PLCL2: variants seen among roughly 807,000 people sequenced by gnomAD.
PLCL2 encodes inactive phospholipase C-like protein 2.
In PLCL2, 4 loss-of-function variants were observed where a neutral mutation model predicts 79.6. The ratio of observed to expected loss-of-function variants is 0.05; its 90% CI spans 0.02 to 0.11. PLCL2 has a LOEUF of 0.11. PLCL2 is among the 10% of genes least tolerant of loss of function. The probability of loss-of-function intolerance (pLI) is 1.00; values close to 1 mark genes in which losing one functional copy is unlikely to be tolerated. For synonymous variants in PLCL2, 484 were observed against 457.7 expected, an observed-to-expected ratio of 1.06 and a Z score of -0.73; for missense variants, 895 against 1,291.0, an observed-to-expected ratio of 0.69 and a Z score of 4.70.
chr3:17,069,979 A>G (rs1016279115), intron 5 of PLCL2, among the ~76,000 whole-genome samples: 1 of 152,246 alleles, frequency 6.6e-6, no homozygotes, highest in Non-Finnish European at 1.5e-5. Flanking sequence ...TGGGGGGTAC[A>G]CTATAAATTT....
chr3:16,889,326 T>C (rs972121327), intron 1 of PLCL2, among the ~76,000 whole-genome samples: 4 of 152,220 alleles, frequency 2.6e-5, no homozygotes, highest in African/African-American at 9.7e-5. Context: ...GCAGTTTGAA[T>C]TTTTTGTGGT....
chr3:17,085,436 C>CT lies in PLCL2; in HGVS notation c.3205-4286dup, dbSNP rs57194206. On this transcript the variant is annotated intron_variant, in intron 5 of 5. Transcript: ENST00000615277. The stretch of plus-strand genomic sequence containing the variant: ...GCCACCACACCCAGCCAATTTATTT[C>CT]TTTTTTTTTTTAAGGCGGAGTCTCA... Among the ~76,000 whole-genome samples, 857 of 143,304 alleles carry CT rather than the reference C, an allele frequency of 6.0e-3. 9 individuals carry two copies. The highest frequency in any genetic ancestry group is 0.017 in the African/African-American group (654 of 39,488). 94.0% of individuals were successfully genotyped at this position (143,304 alleles called of 152,430 possible).
chr3:17,011,188 T>G lies in PLCL2; in HGVS notation c.1842T>G (p.Leu614=), dbSNP rs776619740. 4.9e-5 allele frequency: 79 copies of G among 1,614,072 alleles called. No individual in the cohort carries two copies. The highest frequency in any genetic ancestry group is 5.9e-5 in the Non-Finnish European group (70 of 1,180,048). ...PNNVPVKRFQ[L]CKELSELVSI... Reference sequence around the variant, plus strand: ...ATGTGCCTGTGAAGCGATTTCAGCTTTGTAAAGAACTGTCTGAACTGGTCA... The same window carrying G: ...ATGTGCCTGTGAAGCGATTTCAGCTGTGTAAAGAACTGTCTGAACTGGTCA... The change falls in exon 2 of 6, where the codon CTT becomes CTG. Residue 614 remains leucine, a synonymous_variant. Transcript: ENST00000615277. This position sits in a 1 kb window ranked among gnomAD's most constrained non-coding sequence, Gnocchi z 7.9.
At chr3:17,035,341 G>T (rs574432927) in intron 3 of PLCL2, among the ~76,000 whole-genome samples, 1 of 152,176 alleles carries the variant, frequency 6.6e-6, no homozygotes, top group Non-Finnish European at 1.5e-5. Flanking sequence ...TAACTGTGGG[G>T]TGTGTAACAT....
chr3:16,952,873 G>A (rs2063667107), intron 1 of PLCL2, among the ~76,000 whole-genome samples: 1 of 151,906 alleles, frequency 6.6e-6, no homozygotes, highest in Admixed American at 6.6e-5. Context: ...AACTTACCGA[G>A]GGCAGCTTAA....
intron 3 of PLCL2, among the ~76,000 whole-genome samples, chr3:17,034,373 G>GAATA (rs1176157047): frequency 6.6e-6 from 1 of 152,210 alleles, no homozygotes; most frequent in Middle Eastern, 3.4e-3. Context: ...GTTGGAAAAT[G>GAATA]AATAAATAAA....
chr3:17,055,611 A>G (rs1328329754), intron 4 of PLCL2, among the ~76,000 whole-genome samples: 1 of 152,186 alleles, frequency 6.6e-6, no homozygotes, highest in African/African-American at 2.4e-5. Flanking sequence ...GTTATTTTTC[A>G]TACGTGTGAT....
At chr3:17,008,988 AT>A (rs966994924) in intron 1 of PLCL2, among the ~76,000 whole-genome samples, 1,607 of 143,664 alleles carry the variant, frequency 0.011, 17 homozygotes, top group African/African-American at 0.031. Context: ...TGGCTAATTA[AT>A]TTTTTTTTTT....
At chr3:17,050,430 C>G (rs991171389) in intron 4 of PLCL2, among the ~76,000 whole-genome samples, 11 of 149,824 alleles carry the variant, frequency 7.3e-5, no homozygotes, top group African/African-American at 2.8e-4. Flanking sequence ...ATATAAGGAG[C>G]TCAAACAACT....
At chr3:17,089,057 T>C (rs1382153328) in intron 5 of PLCL2, among the ~76,000 whole-genome samples, 1 of 152,020 alleles carries the variant, frequency 6.6e-6, no homozygotes, top group Non-Finnish European at 1.5e-5. Flanking sequence ...TACCAAAGGC[T>C]GTGTGGGCTT....
At position 17,089,888 on chromosome 3, in the gene PLCL2, A is replaced by T. The variant is rs1361057748; in HGVS notation, c.3360A>T (p.Lys1120Asn). ...PRRSLEVIPEKANDETGE is the reference protein window; with the variant it reads ...PRRSLEVIPENANDETGE ...GGAGCTTGGAAGTCATACCCGAAAA[A>T]GCAAACGATGAAACTGGAGAATGAG... The change falls in exon 6 of 6, where the codon AAA becomes AAT. Residue 1120 changes from lysine to asparagine, a missense_variant. Physicochemically the swap from Lys to Asn is moderately conservative, Grantham distance 94. Transcript: ENST00000615277. 1 of 1,613,144 alleles carries T rather than the reference A, an allele frequency of 6.2e-7. No individual in the cohort carries two copies. The highest frequency in any genetic ancestry group is 1.3e-5 in the African/African-American group (1 of 74,852).
rs146926243 is a variant in PLCL2, at chr3:17,072,334, A to G, written c.3204+4269A>G. Among the ~76,000 whole-genome samples, 767 of 152,150 alleles carry G rather than the reference A, an allele frequency of 5.0e-3. 5 individuals carry two copies. Among genetic ancestry groups the G allele is most frequent in the African/African-American group, 0.017 (714 of 41,522 alleles). On this transcript the variant is annotated intron_variant, in intron 5 of 5. Coordinates refer to ENST00000615277, the MANE Select transcript of PLCL2 (RefSeq NM_001144382.2). ...TTTTGCTGGGTATTTTTAAAGCTAC[A>G]TGTTTTAGTTATAAGTATTGTTGGT...
At chr3:16,959,033 A>G (rs1052201301) in intron 1 of PLCL2, among the ~76,000 whole-genome samples, 6 of 152,218 alleles carry the variant, frequency 3.9e-5, no homozygotes, top group African/African-American at 1.4e-4. Context: ...CCCAACCAGT[A>G]GCAGAGCAAA....
At chr3:16,969,407 A>G (rs1238567961) in intron 1 of PLCL2, among the ~76,000 whole-genome samples, 2 of 151,872 alleles carry the variant, frequency 1.3e-5, no homozygotes, top group African/African-American at 4.8e-5. Flanking sequence ...TTTATTACGA[A>G]TTCAGTTTTG....
intron 1 of PLCL2, among the ~76,000 whole-genome samples, chr3:16,983,137 C>T (rs1020549888): frequency 2.6e-5 from 4 of 152,292 alleles, no homozygotes; most frequent in Admixed American, 6.5e-5. Flanking sequence ...TTCATTAGTG[C>T]GTATTACCTT....
chr3:16,914,844 C>T (rs1022040776), intron 1 of PLCL2, among the ~76,000 whole-genome samples: 13 of 152,122 alleles, frequency 8.5e-5, no homozygotes, highest in African/African-American at 3.1e-4. Flanking sequence ...ACCCTCCCTC[C>T]TCAGCCTCCT....
chr3:17,002,950 A>T (rs957323337), intron 1 of PLCL2, among the ~76,000 whole-genome samples: 1 of 151,726 alleles, frequency 6.6e-6, no homozygotes, highest in Non-Finnish European at 1.5e-5. Flanking sequence ...CCTTTGGACC[A>T]TATTTTATAA....
intron 1 of PLCL2, among the ~76,000 whole-genome samples, chr3:16,934,425 C>G (rs1026353361): frequency 1.3e-5 from 2 of 152,124 alleles, no homozygotes; most frequent in Non-Finnish European, 2.9e-5. Flanking sequence ...AGAGGGAACA[C>G]CAGCATGCCC....
In PLCL2 at chr3:16,983,991, G is replaced by T. The variant is rs77128005; in HGVS notation, c.328-25683G>T. Among the ~76,000 whole-genome samples the T allele has an allele frequency of 4.6e-3, 702 of 152,280 alleles. 4 individuals are homozygous for T. The highest frequency in any genetic ancestry group is 0.016 in the African/African-American group (653 of 41,550). On this transcript the variant is annotated intron_variant, in intron 1 of 5. Transcript: ENST00000615277. Reference sequence around the variant, plus strand: ...TTATGAAGACAATCAAAATATGAAAGATATTTATTTTCAACCATTTAGGTA... The same window carrying T: ...TTATGAAGACAATCAAAATATGAAATATATTTATTTTCAACCATTTAGGTA...
Sources: gnomAD v4.1 joint callset for allele counts (sites outside exome capture counted in the v4.1 genomes callset) on GRCh38, gnomAD v4.1.1 for gene constraint, Gnocchi (gnomAD v3.1) non-coding constraint, MANE v1.5 for transcripts, NCBI Gene and HGNC (gene_info 2026-07-23, HGNC 2026-07-21) for gene names.